Variants in UNC5D observed in about 807,000 individuals in gnomAD.
UNC5D encodes the protein unc-5 netrin receptor D.
In UNC5D, 39 loss-of-function variants were observed where a neutral mutation model predicts 105.4. The ratio of observed to expected loss-of-function variants is 0.37; its 90% CI spans 0.29 to 0.48. The LOEUF (loss-of-function observed/expected upper bound fraction) is 0.48. Ranked by LOEUF, UNC5D falls within the 20% of genes least tolerant of loss-of-function variation. The pLI, the probability that UNC5D is intolerant of heterozygous loss-of-function variation, is 0.98. For missense variants in UNC5D, 991 were observed against 1,202.4 expected (o/e 0.82, Z 2.60); for synonymous variants, 452 against 450.4 (o/e 1.00, Z -0.04).
chr8:35,321,186 T>TAC (rs1416194612), intron 1 of UNC5D, among the ~76,000 whole-genome samples: 5 of 152,174 alleles, frequency 3.3e-5, no homozygotes, highest in African/African-American at 9.6e-5. Context: ...CAGTAGGTTT[T>TAC]ACACACACAC....
intron 1 of UNC5D, among the ~76,000 whole-genome samples, chr8:35,449,847 C>T (rs2128990185): frequency 6.6e-6 from 1 of 152,252 alleles, no homozygotes; most frequent in Non-Finnish European, 1.5e-5. Flanking sequence ...ACATTGATTA[C>T]TATGTGCCGC....
At chr8:35,392,120 T>C (rs903024531) in intron 1 of UNC5D, among the ~76,000 whole-genome samples, 2 of 152,198 alleles carry the variant, frequency 1.3e-5, no homozygotes, top group Non-Finnish European at 2.9e-5. Flanking sequence ...TAGGGCTACA[T>C]TTCTTTCCAA....
intron 1 of UNC5D, among the ~76,000 whole-genome samples, chr8:35,467,304 T>C (rs1302778604): frequency 1.3e-5 from 2 of 152,152 alleles, no homozygotes; most frequent in East Asian, 3.9e-4. Context: ...CTTTCCTCAA[T>C]GCTGAATTCA....
intron 1 of UNC5D, among the ~76,000 whole-genome samples, chr8:35,381,873 T>C (rs76344421): frequency 0.026 from 3,997 of 152,304 alleles, 176 homozygotes; most frequent in African/African-American, 0.092. Flanking sequence ...TGATTTCTTG[T>C]CACAGATTTC....
At chr8:35,239,408 T>C (rs1802666912) in intron 1 of UNC5D, among the ~76,000 whole-genome samples, 1 of 152,174 alleles carries the variant, frequency 6.6e-6, no homozygotes, top group African/African-American at 2.4e-5. Context: ...TCCTACCAAA[T>C]GCAGTACCCA....
At chr8:35,637,524 G>A (rs971025480) in intron 4 of UNC5D, among the ~76,000 whole-genome samples, 2 of 152,120 alleles carry the variant, frequency 1.3e-5, no homozygotes, top group Non-Finnish European at 2.9e-5. Flanking sequence ...TGTGAAATAC[G>A]GGAACAGAGT....
chr8:35,412,994 G>A (rs557249557), intron 1 of UNC5D, among the ~76,000 whole-genome samples: 1 of 152,110 alleles, frequency 6.6e-6, no homozygotes, highest in Non-Finnish European at 1.5e-5. Context: ...TTGAACATAT[G>A]AAATGTCCTG....
intron 4 of UNC5D, among the ~76,000 whole-genome samples, chr8:35,615,324 C>T (rs1820970086): frequency 6.6e-6 from 1 of 152,048 alleles, no homozygotes; most frequent in East Asian, 1.9e-4. Context: ...AAGAATGACT[C>T]TCTGACAATG....
chr8:35,787,103 G>C (rs1309906535), intron 16 of UNC5D, among the ~76,000 whole-genome samples: 1 of 152,154 alleles, frequency 6.6e-6, no homozygotes, highest in East Asian at 1.9e-4. Context: ...GACCACATGT[G>C]GCCCCGAAAA....
intron 1 of UNC5D, among the ~76,000 whole-genome samples, chr8:35,507,711 CTATA>C (rs1253030358): frequency 6.6e-6 from 1 of 151,968 alleles, no homozygotes; most frequent in Non-Finnish European, 1.5e-5. Context: ...ACAATAGTAA[CTATA>C]TAGTTAATAA....
intron 15 of UNC5D, among the ~76,000 whole-genome samples, chr8:35,769,344 G>C (rs1801908370): frequency 6.6e-6 from 1 of 152,158 alleles, no homozygotes. Flanking sequence ...CCATCTAATG[G>C]ATTAGCCTTA....
intron 1 of UNC5D, among the ~76,000 whole-genome samples, chr8:35,292,661 G>T (rs1807156657): frequency 6.7e-6 from 1 of 149,746 alleles, no homozygotes; most frequent in African/African-American, 2.5e-5. Flanking sequence ...CATAAATGAT[G>T]TATACATATT....
intron 1 of UNC5D, chr8:35,256,272 A>G (rs2128816732): frequency 6.6e-6 from 1 of 152,340 alleles, no homozygotes; most frequent in South Asian, 2.1e-4. Flanking sequence ...GTGGATGAAT[A>G]GGTACCAACT....
At chr8:35,380,101 G>GC (rs1212073120) in intron 1 of UNC5D, among the ~76,000 whole-genome samples, 8 of 126,136 alleles carry the variant, frequency 6.3e-5, no homozygotes, top group African/African-American at 1.3e-4. Context: ...GGGGGGGTCG[G>GC]GGAGAGAGAG....
intron 7 of UNC5D, among the ~76,000 whole-genome samples, chr8:35,688,030 G>A (rs1324723189): frequency 6.6e-6 from 1 of 151,988 alleles, no homozygotes; most frequent in African/African-American, 2.4e-5. Context: ...TACTCGGGAG[G>A]TTGAAGCAAG....
intron 1 of UNC5D, among the ~76,000 whole-genome samples, chr8:35,290,718 G>A (rs927750363): frequency 1.3e-5 from 2 of 152,118 alleles, no homozygotes; most frequent in Admixed American, 6.6e-5. Context: ...GGAGGCCAAG[G>A]CGGGCGGATC....
At chr8:35,672,389 TAGAG>T (rs2131283157) in intron 4 of UNC5D, among the ~76,000 whole-genome samples, 2 of 152,258 alleles carry the variant, frequency 1.3e-5, no homozygotes, top group South Asian at 2.1e-4. Flanking sequence ...TAATCTATCT[TAGAG>T]AGGTCTGCCC....
At chr8:35,487,372 ATCAGT>A (rs1810890210) in intron 1 of UNC5D, among the ~76,000 whole-genome samples, 1 of 152,054 alleles carries the variant, frequency 6.6e-6, no homozygotes, top group Non-Finnish European at 1.5e-5. Flanking sequence ...ACCTCATCCA[ATCAGT>A]TGGAACAAAA....
At chr8:35,732,474 G>A (rs775448264) in intron 11 of UNC5D, among the ~76,000 whole-genome samples, 2 of 152,126 alleles carry the variant, frequency 1.3e-5, no homozygotes, top group Non-Finnish European at 2.9e-5. Flanking sequence ...GGCTCAGAAG[G>A]TTTGAAGAGT....
Sources: allele counts gnomAD v4.1 joint callset (sites outside exome capture counted in the v4.1 genomes callset), GRCh38; gene constraint gnomAD v4.1.1; transcripts MANE v1.5; gene names NCBI Gene and HGNC (gene_info 2026-07-23, HGNC 2026-07-21).